The following COQ8A variants were observed in gnomAD, a reference collection of about 807,000 sequenced individuals.
COQ8A encodes coenzyme Q8A, also known as atypical kinase COQ8A, mitochondrial.
In COQ8A, 51 loss-of-function variants were observed where a neutral mutation model predicts 65.0. The observed-to-expected ratio is 0.78, with a 90% CI of 0.63 to 0.99. The LOEUF is 0.99. Among genes scored for constraint, COQ8A ranks in the 50% least tolerant of loss-of-function variants. COQ8A has a pLI of 0.00. For synonymous variants in COQ8A, 371 were observed against 353.2 expected (o/e 1.05, Z -0.57); for missense variants, 940 against 875.0 (o/e 1.07, Z -0.94).
At chr1:226,979,025 T>C (rs1572072341) in intron 5 of COQ8A, among the ~76,000 whole-genome samples, 1 of 152,136 alleles carries the variant, frequency 6.6e-6, no homozygotes. Context: ...AAGTCGCTGG[T>C]CTGGCCGGGT....
chr1:226,985,332 G>A lies in COQ8A; in HGVS notation c.1651G>A (p.Glu551Lys), dbSNP rs119468004. ...AGAGATGAAGTTCCTCACCGGCTAC[G>A]AGGTCAAGGTGAGCAGGGTTGCGGG... ...SIEMKFLTGY[E>K]VKVMEDAHLD... Residue 551 changes from glutamate to lysine, a missense_variant, in exon 14 of 15, where the codon GAG becomes AAG. Transcript: ENST00000366777. The A allele has an allele frequency of 3.0e-5, 48 of 1,613,442 alleles. No homozygotes were observed. Among genetic ancestry groups the A allele is most frequent in the Non-Finnish European group, 3.8e-5 (45 of 1,180,006 alleles).
rs1199101460 is a variant in COQ8A at position 226,961,487 on chromosome 1, G to A, written c.102G>A (p.Gly34=). 1.9e-6 allele frequency: 3 copies of A among 1,613,926 alleles called. No individual in the cohort carries two copies. The highest frequency in any genetic ancestry group is 2.5e-6 in the Non-Finnish European group (3 of 1,179,976). ...ETHLQHLGIG[G]ELIMAARALQ... is the part of the protein sequence containing the mutation. ...ACCTGCAGCACTTGGGCATCGGAGG[G>A]GAGCTGATCATGGCGGCCAGGGCCC... is the stretch of plus-strand genomic sequence containing the variant. The change falls in exon 2 of 15, where the codon GGG becomes GGA. Residue 34 remains glycine (G), a synonymous_variant. Transcript: ENST00000366777.
Position 226,982,769 on chromosome 1 carries a change from G to C in COQ8A, c.939+6G>C, listed in dbSNP as rs1477110618. 1.2e-6 allele frequency: 2 copies of C among 1,613,522 alleles called. No homozygotes were observed. Among genetic ancestry groups the C allele is most frequent in the Non-Finnish European group, 8.5e-7 (1 of 1,179,982 alleles). On this transcript the variant is annotated splice_donor_region_variant and intron_variant, in intron 7 of 14. Transcript: ENST00000366777. ...TGCCACTGAAGCAGATGATGGTGAG[G>C]AGCCAGGGGCTCTGCCCACTCTCTG...
chr1:226,966,208 G>A (rs1658559541), intron 4 of COQ8A, among the ~76,000 whole-genome samples: 1 of 152,248 alleles, frequency 6.6e-6, no homozygotes, highest in Non-Finnish European at 1.5e-5. Flanking sequence ...GGTCCCCACA[G>A]GCCTGCGGCT....
chr1:226,945,057 A>C (rs913020235), intron 1 of COQ8A, among the ~76,000 whole-genome samples: 1 of 152,178 alleles, frequency 6.6e-6, no homozygotes, highest in Non-Finnish European at 1.5e-5. Flanking sequence ...TACTCTTTCT[A>C]GACCCCGTTA....
intron 4 of COQ8A, 122 bp downstream of exon 4, chr1:226,965,859 T>A: frequency 9.8e-7 from 1 of 1,018,334 alleles, no homozygotes; most frequent in Non-Finnish European, 1.5e-6. Context: ...CAGGTGGCGG[T>A]GGCCGCCCCT....
At chr1:226,943,671 T>C (rs1656828672) in intron 1 of COQ8A, among the ~76,000 whole-genome samples, 1 of 152,184 alleles carries the variant, frequency 6.6e-6, no homozygotes, top group Non-Finnish European at 1.5e-5. Context: ...TTAGACATGA[T>C]GGGAGCCTAT....
chr1:226,975,115 C>T (rs940369215), intron 4 of COQ8A: 8 of 152,220 alleles, frequency 5.3e-5, no homozygotes, highest in African/African-American at 1.4e-4. Context: ...TGCCTGTCTC[C>T]GTTTATTTCG....
chr1:226,949,107 C>T lies in COQ8A; in HGVS notation c.-10+8708C>T, dbSNP rs1280183215. Among the ~76,000 whole-genome samples, 4 of 151,904 alleles carry T rather than the reference C, an allele frequency of 2.6e-5. No individual in the cohort carries two copies. Among genetic ancestry groups the T allele is most frequent in the Non-Finnish European group, 4.4e-5 (3 of 68,002 alleles). On this transcript the variant is annotated intron_variant, in intron 1 of 14. Transcript: ENST00000366777. This position sits in a 1 kb window ranked among gnomAD's most constrained non-coding sequence, Gnocchi z 4.0. The stretch of plus-strand genomic sequence containing the variant: ...CACCCTTGGCTAATGGGTGGGTTTT[C>T]AGACGTACAGAGATGAAGGGGCGAG...
At chr1:226,978,415 C>G (rs1466089447) in intron 5 of COQ8A, among the ~76,000 whole-genome samples, 3 of 143,632 alleles carry the variant, frequency 2.1e-5, no homozygotes, top group Non-Finnish European at 4.6e-5. Context: ...ACCTTGCACA[C>G]CCTCCACACA....
intron 4 of COQ8A, among the ~76,000 whole-genome samples, chr1:226,974,622 C>T (rs774043211): frequency 1.2e-4 from 18 of 152,114 alleles, no homozygotes; most frequent in Non-Finnish European, 2.1e-4. Context: ...GAGTCTGGGG[C>T]GGGAGGGCCT....
At chr1:226,959,516 C>T (rs530712021) in intron 1 of COQ8A, among the ~76,000 whole-genome samples, 2 of 151,830 alleles carry the variant, frequency 1.3e-5, no homozygotes, top group South Asian at 2.1e-4. Flanking sequence ...AGTAGGTCAG[C>T]GATATTTGTC....
chr1:226,964,894 A>AG (rs1427062266), intron 2 of COQ8A, 106 bp from the exon 3 acceptor site: 11 of 1,311,952 alleles, frequency 8.4e-6, no homozygotes, highest in Admixed American at 3.7e-5. Context: ...TGGAGGTGGG[A>AG]GGGGGCGGGA....
At chr1:226,947,813 A>G (rs1015890842) in intron 1 of COQ8A, among the ~76,000 whole-genome samples, 2 of 152,024 alleles carry the variant, frequency 1.3e-5, no homozygotes, top group African/African-American at 2.4e-5. Flanking sequence ...ATATATATAT[A>G]TATATCTATC....
At chr1:226,982,409 T>C (rs1243216629) in intron 6 of COQ8A, 2 of 645,630 alleles carry the variant, frequency 3.1e-6, no homozygotes, top group Non-Finnish European at 5.3e-6. Flanking sequence ...TTACTATGTT[T>C]TATTTTCCAA....
rs1658264707 is a variant in COQ8A at position 226,961,697 on chromosome 1, C to CCT, written c.177+136_177+137insTC. The CCT allele has an allele frequency of 8.1e-6, 9 of 1,105,088 alleles. 1 individual carries two copies. Among genetic ancestry groups the CCT allele is most frequent in the Non-Finnish European group, 1.0e-5 (8 of 789,864 alleles). The allele number at this position is 1,105,088 out of a possible 1,614,324, so 68.5% of individuals were successfully genotyped here. On this transcript the variant is annotated intron_variant, in intron 2 of 14. Coordinates refer to ENST00000366777, the MANE Select transcript of COQ8A (RefSeq NM_020247.5). ...CCTGAGGGCCCACCAGCTAATGTGT[C>CCT]CCACGGTCCTTCCAGGGTGGGACAG... is the stretch of plus-strand genomic sequence containing the variant.
intron 2 of COQ8A, among the ~76,000 whole-genome samples, chr1:226,963,923 C>T (rs1658403883): frequency 6.6e-6 from 1 of 152,238 alleles, no homozygotes; most frequent in Admixed American, 6.5e-5. Flanking sequence ...CTTGTTTCTA[C>T]TCTGAGAGTA....
chr1:226,960,268 C>G (rs1301881906), intron 1 of COQ8A, among the ~76,000 whole-genome samples: 5 of 45,614 alleles, frequency 1.1e-4, no homozygotes, highest in Admixed American at 2.8e-4. Context: ...GGTGGTGGTA[C>G]TTGGTGGCGG....
chr1:226,978,129 C>T (rs1358842393), intron 5 of COQ8A, among the ~76,000 whole-genome samples: 4 of 151,014 alleles, frequency 2.6e-5, no homozygotes, highest in African/African-American at 9.8e-5. Flanking sequence ...TGCACACCCA[C>T]CAAACACCCA....
Sources: gnomAD v4.1 joint callset for allele counts (sites outside exome capture counted in the v4.1 genomes callset) on GRCh38, gnomAD v4.1.1 for gene constraint, Gnocchi (gnomAD v3.1) non-coding constraint, MANE v1.5 for transcripts, NCBI Gene and HGNC (gene_info 2026-07-23, HGNC 2026-07-21) for gene names.